NPAS2: variants seen among roughly 807,000 people sequenced by gnomAD.
The protein encoded by NPAS2 is neuronal PAS domain-containing protein 2.
Under a neutral mutation model 107.5 loss-of-function variants are expected in NPAS2, and 23 were observed. The observed-to-expected ratio is 0.21, with a 90% CI of 0.15 to 0.30. NPAS2 has a LOEUF of 0.30. Ranked by LOEUF, NPAS2 falls within the 10% of genes least tolerant of loss-of-function variation. NPAS2 has a pLI of 1.00. For synonymous variants in NPAS2, 403 were observed against 417.5 expected (o/e 0.97, Z 0.42); for missense variants, 756 against 1,043.3 (o/e 0.72, Z 3.79).
At chr2:100,914,733 A>T (rs1026311441) in intron 2 of NPAS2, among the ~76,000 whole-genome samples, 2 of 152,224 alleles carry the variant, frequency 1.3e-5, no homozygotes, top group African/African-American at 4.8e-5. Flanking sequence ...ACTCATTAAA[A>T]AATATATGAA....
chr2:100,848,711 G>A lies in NPAS2; in HGVS notation c.-23+28297G>A, dbSNP rs114797980. 7.8e-3 allele frequency among the ~76,000 whole-genome samples: 1,182 copies of A among 152,328 alleles called. 22 individuals are homozygous for A. Among genetic ancestry groups the A allele is most frequent in the African/African-American group, 0.027 (1,142 of 41,568 alleles). ...TACAGAGCTGGAAATGCATAAAGAGGACATTCCCTGCTAGTCAACGAATAC... is the reference window on the plus strand; with the variant it reads ...TACAGAGCTGGAAATGCATAAAGAGAACATTCCCTGCTAGTCAACGAATAC... On this transcript the variant is annotated intron_variant, in intron 1 of 20. Coordinates refer to ENST00000335681, the MANE Select transcript of NPAS2 (RefSeq NM_002518.4).
intron 1 of NPAS2, among the ~76,000 whole-genome samples, chr2:100,837,349 C>T (rs1677131188): frequency 6.6e-6 from 1 of 152,158 alleles, no homozygotes; most frequent in African/African-American, 2.4e-5. Context: ...GCTCTTGTCA[C>T]CCAGGCTGGA....
chr2:100,978,465 A>G (rs1677175040), intron 15 of NPAS2, among the ~76,000 whole-genome samples: 1 of 152,162 alleles, frequency 6.6e-6, no homozygotes, highest in Non-Finnish European at 1.5e-5. Context: ...ATGTCATAGA[A>G]AGACTGAAAG....
At chr2:100,982,748 A>G (rs950413802) in intron 16 of NPAS2, 4 of 217,660 alleles carry the variant, frequency 1.8e-5, no homozygotes, top group Non-Finnish European at 3.6e-5. Flanking sequence ...CTCCCAGCCC[A>G]GGCTGCCATC....
rs201955096 is a variant in NPAS2 at position 100,974,952 on chromosome 2, C to G, written c.1282+8C>G. 1 of 1,613,410 alleles carries G rather than the reference C, an allele frequency of 6.2e-7. No individual in the cohort carries two copies. On this transcript the variant is annotated splice_region_variant and intron_variant, in intron 13 of 20. Coordinates refer to ENST00000335681, the MANE Select transcript of NPAS2 (RefSeq NM_002518.4). ...CCATGTCAGAACCCACCTGTGAGTG[C>G]GAGTCCATGGATGGGGAGTGGGATG...
intron 1 of NPAS2, among the ~76,000 whole-genome samples, chr2:100,831,470 T>G (rs1676733075): frequency 6.6e-6 from 1 of 152,042 alleles, no homozygotes; most frequent in Non-Finnish European, 1.5e-5. Context: ...AACCCCAAGT[T>G]GTGGGGTGTG....
At chr2:100,913,757 A>G (rs540154173) in intron 2 of NPAS2, among the ~76,000 whole-genome samples, 8 of 152,300 alleles carry the variant, frequency 5.3e-5, no homozygotes, top group East Asian at 1.9e-4. Flanking sequence ...TTGGTGATGT[A>G]TAAAATGTAC....
Position 100,937,813 on chromosome 2 carries a change from A to C in NPAS2, c.334A>C (p.Ser112Arg). ...TDGSIIYVSD[S>R]ITPLLGHLPS... ...CGGCAGCATCATCTATGTCTCTGACAGTATCACGCCTCTCCTTGGGCATTT... is the reference window on the plus strand; with the variant it reads ...CGGCAGCATCATCTATGTCTCTGACCGTATCACGCCTCTCCTTGGGCATTT... Residue 112 changes from serine (S) to arginine (R), a missense_variant, in exon 5 of 21, where the codon AGT (serine) becomes CGT (arginine). Ser to Arg is a moderately radical substitution (Grantham distance 110). This residue lies in a region of NPAS2 where 146 missense variants were observed against 249.6 expected (regional missense o/e 0.58). Coordinates refer to ENST00000335681, the MANE Select transcript of NPAS2 (RefSeq NM_002518.4). The C allele has an allele frequency of 6.2e-7, 1 of 1,614,146 alleles. No individual in the cohort carries two copies. The highest frequency in any genetic ancestry group is 8.5e-7 in the Non-Finnish European group (1 of 1,179,960).
chr2:100,973,010 C>T (rs1218767247), intron 12 of NPAS2, among the ~76,000 whole-genome samples: 2 of 152,150 alleles, frequency 1.3e-5, no homozygotes, highest in Non-Finnish European at 2.9e-5. Context: ...GAAACCCCGT[C>T]TCCACTAAAA....
intron 16 of NPAS2, chr2:100,987,788 T>C: frequency 2.3e-6 from 1 of 430,556 alleles, no homozygotes; most frequent in Non-Finnish European, 4.2e-6. Flanking sequence ...CATCACATTA[T>C]TTAGAGAACA....
intron 19 of NPAS2, among the ~76,000 whole-genome samples, chr2:100,992,286 G>C (rs1029463198): frequency 1.3e-5 from 2 of 152,188 alleles, no homozygotes; most frequent in African/African-American, 4.8e-5. Context: ...GTGGTGGCAC[G>C]TGCCTGTAAT....
At chr2:100,872,227 C>T (rs919270815) in intron 1 of NPAS2, among the ~76,000 whole-genome samples, 2 of 152,154 alleles carry the variant, frequency 1.3e-5, no homozygotes, top group African/African-American at 2.4e-5. Flanking sequence ...CAGAAGTGTG[C>T]AACCTGGAAT....
chr2:100,842,081 G>GCGCGCGCGCACACACACACACACACACA, intron 1 of NPAS2, among the ~76,000 whole-genome samples: 1,847 of 148,884 alleles, frequency 0.012, 18 homozygotes, highest in Middle Eastern at 0.021. Context: ...GCATGTACGC[G>GCGCGCGCGCACACACACACACACACACA]CACACACACA....
At chr2:100,901,532 C>T (rs1230612214) in intron 1 of NPAS2, 1 of 985,234 alleles carries the variant, frequency 1.0e-6, no homozygotes, top group Non-Finnish European at 1.2e-6. Context: ...TCCCTTCTCT[C>T]TTCCCTGACG....
intron 6 of NPAS2, 74 bp downstream of exon 6, chr2:100,948,429 T>A: frequency 7.6e-7 from 1 of 1,318,716 alleles, no homozygotes; most frequent in Non-Finnish European, 1.0e-6. Context: ...TAGAATGAAT[T>A]AAGAAGGGAG....
At chr2:100,948,994 C>T (rs1049114119) in intron 6 of NPAS2, among the ~76,000 whole-genome samples, 1 of 152,194 alleles carries the variant, frequency 6.6e-6, no homozygotes, top group Admixed American at 6.5e-5. Context: ...TCCTGTCGTA[C>T]ATCTGATTTT....
chr2:100,941,186 A>G (rs1177646684), intron 5 of NPAS2, among the ~76,000 whole-genome samples: 1 of 152,252 alleles, frequency 6.6e-6, no homozygotes. Flanking sequence ...TCGTACAGCA[A>G]TTTCTGATGA....
rs1159291529 is a variant in NPAS2 at position 100,904,769 on chromosome 2, G to A, written c.15G>A (p.Glu5=). The change falls in exon 2 of 21, where the codon GAG becomes GAA. Residue 5 remains glutamate, a synonymous_variant. Coordinates refer to ENST00000335681, the MANE Select transcript of NPAS2 (RefSeq NM_002518.4). MDED[E]KDRAKRASRN... is the part of the protein sequence containing the mutation. ...TAGAAAATCTAATGGATGAAGATGA[G>A]AAAGACAGAGCCAAGAGGTAAGATG... 1 of 1,601,078 alleles carries A rather than the reference G, an allele frequency of 6.2e-7. No individual in the cohort carries two copies. The highest frequency in any genetic ancestry group is 2.2e-5 in the East Asian group (1 of 44,668).
intron 6 of NPAS2, among the ~76,000 whole-genome samples, chr2:100,948,972 A>T (rs1385662168): frequency 6.6e-6 from 1 of 152,216 alleles, no homozygotes; most frequent in Non-Finnish European, 1.5e-5. Context: ...TCCATTTTCC[A>T]TGAATAATCT....
Sources: allele counts gnomAD v4.1 joint callset (sites outside exome capture counted in the v4.1 genomes callset), GRCh38; gene constraint gnomAD v4.1.1; regional missense constraint gnomAD v4.1.1; transcripts MANE v1.5; gene names NCBI Gene and HGNC (gene_info 2026-07-23, HGNC 2026-07-21).